Variants in CELF2 observed in about 807,000 individuals in gnomAD.
The protein encoded by CELF2 is CUG triplet repeat RNA-binding protein 2.
A neutral mutation model predicts 62.6 loss-of-function variants in CELF2; 8 were observed. That is an observed-to-expected ratio of 0.13 (90% confidence interval 0.07 to 0.23). The LOEUF (loss-of-function observed/expected upper bound fraction) is 0.23, where lower values mean the gene tolerates loss of function less well. Among genes scored for constraint, CELF2 ranks in the 10% least tolerant of loss-of-function variants. The probability of loss-of-function intolerance (pLI) is 1.00; values close to 1 mark genes in which losing one functional copy is unlikely to be tolerated. For missense variants in CELF2, 333 were observed against 671.0 expected (o/e 0.50, Z 5.56); for synonymous variants, 258 against 250.0 (o/e 1.03, Z -0.30).
At chr10:10,576,444 A>T in the CELF2 span, among the ~76,000 whole-genome samples, 1 of 152,166 alleles carries the variant, frequency 6.6e-6, no homozygotes, top group East Asian at 1.9e-4. Flanking sequence ...AAGGCTTGCA[A>T]TGCTTCTAAC....
At chr10:10,470,716 C>T in the CELF2 span, among the ~76,000 whole-genome samples, 70 of 151,270 alleles carry the variant, frequency 4.6e-4, 1 homozygote, top group African/African-American at 1.5e-3. Flanking sequence ...ATACTGGACC[C>T]GCCCAAATAC....
intron 1 of CELF2, among the ~76,000 whole-genome samples, chr10:11,020,684 G>A (rs2058167893): frequency 6.6e-6 from 1 of 152,082 alleles, no homozygotes. Flanking sequence ...TTTCAATGGC[G>A]TTTTCCCACG....
At chr10:10,722,039 A>G in the CELF2 span, among the ~76,000 whole-genome samples, 4 of 152,364 alleles carry the variant, frequency 2.6e-5, no homozygotes, top group East Asian at 7.7e-4. Flanking sequence ...ATGGTGGCTC[A>G]TGCCTGTAAT....
intron 2 of CELF2, among the ~76,000 whole-genome samples, chr10:11,199,620 A>G (rs558156517): frequency 1.3e-5 from 2 of 152,336 alleles, no homozygotes; most frequent in East Asian, 3.9e-4. Flanking sequence ...TTCTAGTCAC[A>G]GTTAAGAGCA....
intron 2 of CELF2, among the ~76,000 whole-genome samples, chr10:11,187,905 G>A (rs1414147233): frequency 1.3e-5 from 2 of 152,156 alleles, no homozygotes; most frequent in Admixed American, 6.5e-5. Context: ...TATCTCGCCT[G>A]TTTATGCTCG....
At chr10:10,708,382 T>C in the CELF2 span, among the ~76,000 whole-genome samples, 19 of 152,202 alleles carry the variant, frequency 1.2e-4, 1 homozygote, top group African/African-American at 4.6e-4. Context: ...TTAGTACTCT[T>C]TCTGGTCAAA....
chr10:11,099,009 T>C (rs2050702214), intron 1 of CELF2, among the ~76,000 whole-genome samples: 1 of 152,168 alleles, frequency 6.6e-6, no homozygotes, highest in Admixed American at 6.5e-5. Flanking sequence ...TGACTTCAGA[T>C]AAAAGTTTCG....
intron 1 of CELF2, among the ~76,000 whole-genome samples, chr10:11,143,847 G>T (rs907793876): frequency 6.6e-6 from 1 of 152,078 alleles, no homozygotes; most frequent in South Asian, 2.1e-4. Context: ...GTTTATACCT[G>T]ACTTAAATTG....
the CELF2 span, among the ~76,000 whole-genome samples, chr10:10,504,780 T>C: frequency 6.6e-6 from 1 of 152,086 alleles, no homozygotes; most frequent in African/African-American, 2.4e-5. Flanking sequence ...TATATTTCAG[T>C]TCACTGATTT....
At chr10:11,303,997 G>C (rs761705725) in intron 9 of CELF2, among the ~76,000 whole-genome samples, 1 of 152,222 alleles carries the variant, frequency 6.6e-6, no homozygotes, top group Non-Finnish European at 1.5e-5. Context: ...CTCACTGTTA[G>C]CTTTATTCCC....
chr10:10,919,611 G>C (rs144536303), intron 1 of CELF2, among the ~76,000 whole-genome samples: 3 of 152,138 alleles, frequency 2.0e-5, no homozygotes, highest in Admixed American at 6.6e-5. Flanking sequence ...TTGGTGCTTC[G>C]TTTAACATGT....
At chr10:11,116,858 C>A (rs1242004362) in intron 1 of CELF2, among the ~76,000 whole-genome samples, 1 of 152,172 alleles carries the variant, frequency 6.6e-6, no homozygotes, top group Non-Finnish European at 1.5e-5. Context: ...CATTCGTTAA[C>A]CAACACTTAC....
intron 2 of CELF2, chr10:11,168,853 C>G (rs939476230): frequency 6.6e-6 from 1 of 152,168 alleles, no homozygotes; most frequent in Admixed American, 6.5e-5. Context: ...ACTGTAGGGG[C>G]ATGTATTGAC....
the CELF2 span, among the ~76,000 whole-genome samples, chr10:10,764,032 C>T: frequency 6.6e-6 from 1 of 152,224 alleles, no homozygotes; most frequent in Non-Finnish European, 1.5e-5. Flanking sequence ...AGACTAGCAG[C>T]GTTCCACGCT....
intron 1 of CELF2, among the ~76,000 whole-genome samples, chr10:10,912,203 C>T (rs2063872854): frequency 6.6e-6 from 1 of 152,200 alleles, no homozygotes; most frequent in Admixed American, 6.5e-5. Flanking sequence ...GTCACCGCAT[C>T]AGAGAGGTCT....
At chr10:10,541,788 A>C in the CELF2 span, among the ~76,000 whole-genome samples, 2 of 152,132 alleles carry the variant, frequency 1.3e-5, no homozygotes, top group Non-Finnish European at 2.9e-5. Context: ...TTTATCAGCA[A>C]GGTCTTGGTG....
rs1334675756 is a variant in CELF2, at chr10:11,246,960, C to T, written c.355-2193C>T. On this transcript the variant is annotated intron_variant, in intron 3 of 12. Coordinates refer to ENST00000633077, the MANE Select transcript of CELF2 (RefSeq NM_001326342.2). This position sits in a 1 kb window ranked among gnomAD's most constrained non-coding sequence, Gnocchi z 4.6. ...TGAAACTCTTTGCTCATGCTTTCCC[C>T]ATTCGGGCAGTCATCCCACAGTCAC... Among the ~76,000 whole-genome samples, 1 of 152,204 alleles carries T rather than the reference C, an allele frequency of 6.6e-6. No individual in the cohort carries two copies. Among genetic ancestry groups the T allele is most frequent in the Non-Finnish European group, 1.5e-5 (1 of 68,036 alleles).
At chr10:10,641,247 C>T in the CELF2 span, among the ~76,000 whole-genome samples, 1 of 152,148 alleles carries the variant, frequency 6.6e-6, no homozygotes, top group East Asian at 1.9e-4. Flanking sequence ...GGCTCCACTG[C>T]CTAATGCAAC....
chr10:10,829,188 T>C (rs185734098), intron 1 of CELF2, among the ~76,000 whole-genome samples: 2 of 152,366 alleles, frequency 1.3e-5, no homozygotes, highest in Admixed American at 1.3e-4. Context: ...TCTTGAATAT[T>C]GACTTGCAAA....
Sources: gnomAD v4.1 joint callset for allele counts (sites outside exome capture counted in the v4.1 genomes callset) on GRCh38, gnomAD v4.1.1 for gene constraint, Gnocchi (gnomAD v3.1) non-coding constraint, MANE v1.5 for transcripts, NCBI Gene and HGNC (gene_info 2026-07-23, HGNC 2026-07-21) for gene names.